ENTREP2: variants seen among roughly 807,000 people sequenced by gnomAD.
The protein encoded by ENTREP2 is endosomal transmembrane epsin interactor 2.
chr15:29,143,226 G>A, the ENTREP2 span, among the ~76,000 whole-genome samples: 1 of 152,226 alleles, frequency 6.6e-6, no homozygotes, highest in Non-Finnish European at 1.5e-5. Flanking sequence ...ATGAATGAGT[G>A]AGCAAAGAAG....
the ENTREP2 span, among the ~76,000 whole-genome samples, chr15:29,249,502 TGTGAA>T: frequency 6.6e-6 from 1 of 152,196 alleles, no homozygotes; most frequent in African/African-American, 2.4e-5. Flanking sequence ...GTGGTAGGAC[TGTGAA>T]GTGTTTTGTT....
At chr15:29,240,712 G>A in the ENTREP2 span, among the ~76,000 whole-genome samples, 1 of 152,156 alleles carries the variant, frequency 6.6e-6, no homozygotes, top group Non-Finnish European at 1.5e-5. Flanking sequence ...GCACTGTCAA[G>A]CCAAAATATA....
At chr15:29,209,512 C>T in the ENTREP2 span, among the ~76,000 whole-genome samples, 1 of 152,032 alleles carries the variant, frequency 6.6e-6, no homozygotes, top group Non-Finnish European at 1.5e-5. Flanking sequence ...AAAACAAAAA[C>T]AAAAACAAAT....
the ENTREP2 span, among the ~76,000 whole-genome samples, chr15:29,486,895 T>A: frequency 6.6e-6 from 1 of 151,754 alleles, no homozygotes; most frequent in African/African-American, 2.4e-5. Flanking sequence ...AGGGTACCAG[T>A]GAGGGGAGGA....
the ENTREP2 span, among the ~76,000 whole-genome samples, chr15:29,667,459 A>C: frequency 7.3e-6 from 1 of 137,456 alleles, no homozygotes; most frequent in Non-Finnish European, 1.6e-5. Context: ...AAGTTCTGGG[A>C]TTACAGGCGT....
At chr15:29,591,098 T>G in the ENTREP2 span, among the ~76,000 whole-genome samples, 1 of 152,248 alleles carries the variant, frequency 6.6e-6, no homozygotes, top group Non-Finnish European at 1.5e-5. Context: ...ACATCCTTTT[T>G]TTCCTGAAAT....
chr15:29,469,786 TAA>T, the ENTREP2 span, among the ~76,000 whole-genome samples: 8 of 152,158 alleles, frequency 5.3e-5, no homozygotes, highest in Non-Finnish European at 8.8e-5. Flanking sequence ...TAATTTTTTT[TAA>T]AAAGCCTCCC....
chr15:29,159,051 A>C, the ENTREP2 span, among the ~76,000 whole-genome samples: 1 of 152,202 alleles, frequency 6.6e-6, no homozygotes, highest in Admixed American at 6.5e-5. Flanking sequence ...GGGTCGTGGT[A>C]GTGTATCTGG....
the ENTREP2 span, among the ~76,000 whole-genome samples, chr15:29,513,151 G>GT: frequency 6.6e-6 from 1 of 152,188 alleles, no homozygotes; most frequent in South Asian, 2.1e-4. Flanking sequence ...TCACTGCCTT[G>GT]TTTTACATAT....
the ENTREP2 span, among the ~76,000 whole-genome samples, chr15:29,412,638 G>C: frequency 2.0e-5 from 3 of 151,754 alleles, no homozygotes; most frequent in Non-Finnish European, 4.4e-5. Context: ...TCAACTTTTT[G>C]ATCTCTTCTG....
At chr15:29,563,648 T>C in the ENTREP2 span, among the ~76,000 whole-genome samples, 7 of 152,236 alleles carry the variant, frequency 4.6e-5, no homozygotes, top group East Asian at 9.7e-4. Context: ...CCTGCTAACA[T>C]GGCAAAACCA....
the ENTREP2 span, among the ~76,000 whole-genome samples, chr15:29,278,323 T>A: frequency 6.6e-6 from 1 of 152,198 alleles, no homozygotes; most frequent in African/African-American, 2.4e-5. Flanking sequence ...AAGGAAGTCC[T>A]GGGAAAAGCA....
At chr15:29,647,515 CA>C in the ENTREP2 span, among the ~76,000 whole-genome samples, 1 of 152,144 alleles carries the variant, frequency 6.6e-6, no homozygotes, top group Non-Finnish European at 1.5e-5. Context: ...CTGTAATGTA[CA>C]GTACAGGCAA....
the ENTREP2 span, among the ~76,000 whole-genome samples, chr15:29,475,582 C>T: frequency 7.2e-5 from 11 of 151,936 alleles, no homozygotes; most frequent in Admixed American, 1.3e-4. Flanking sequence ...GAGTAGGGGG[C>T]GAGGGGGCAG....
At chr15:29,519,677 G>A in the ENTREP2 span, among the ~76,000 whole-genome samples, 17 of 152,278 alleles carry the variant, frequency 1.1e-4, no homozygotes, top group Admixed American at 3.9e-4. Flanking sequence ...AGTTAAGTTT[G>A]GGGGAAGTCA....
the ENTREP2 span, chr15:29,373,720 T>C: frequency 6.6e-6 from 1 of 152,154 alleles, no homozygotes; most frequent in Non-Finnish European, 1.5e-5. Flanking sequence ...TGGATTTAAA[T>C]GGTTATTTTC....
the ENTREP2 span, among the ~76,000 whole-genome samples, chr15:29,580,179 T>C: frequency 2.6e-5 from 4 of 152,060 alleles, no homozygotes; most frequent in Non-Finnish European, 5.9e-5. Flanking sequence ...TGGACAGTAA[T>C]GGGTCACTCC....
chr15:29,546,702 T>C, the ENTREP2 span, among the ~76,000 whole-genome samples: 64,903 of 151,430 alleles, frequency 0.43, 14,562 homozygotes, highest in African/African-American at 0.57. Context: ...CTGGCTAACA[T>C]GGTGAAACCC....
At chr15:29,482,229 C>G in the ENTREP2 span, among the ~76,000 whole-genome samples, 1 of 148,648 alleles carries the variant, frequency 6.7e-6, no homozygotes, top group African/African-American at 2.5e-5. Context: ...AGGCTGGTCT[C>G]GAACTCCTGA....
Sources: allele counts gnomAD v4.1 joint callset (sites outside exome capture counted in the v4.1 genomes callset), GRCh38; gene constraint gnomAD v4.1.1; transcripts MANE v1.5; gene names NCBI Gene and HGNC (gene_info 2026-07-23, HGNC 2026-07-21).